Variants in R3HDM2 observed in about 807,000 individuals in gnomAD.
R3HDM2 encodes R3H domain containing 2, also known as R3H domain-containing protein 2.
In R3HDM2, 38 loss-of-function variants were observed where a neutral mutation model predicts 124.5. The ratio of observed to expected loss-of-function variants is 0.31; its 90% CI spans 0.24 to 0.40. The LOEUF (loss-of-function observed/expected upper bound fraction) is 0.40. Ranked by LOEUF, R3HDM2 falls within the 10% of genes least tolerant of loss-of-function variation. The probability of loss-of-function intolerance (pLI) is 1.00; values close to 1 mark genes in which losing one functional copy is unlikely to be tolerated. For missense variants in R3HDM2, 869 were observed against 1,236.9 expected, an observed-to-expected ratio of 0.70 and a Z score of 4.46; for synonymous variants, 391 against 448.0, an observed-to-expected ratio of 0.87 and a Z score of 1.61.
chr12:57,386,675 G>C (rs1313627094), intron 2 of R3HDM2, among the ~76,000 whole-genome samples: 1 of 152,222 alleles, frequency 6.6e-6, no homozygotes, highest in South Asian at 2.1e-4. Flanking sequence ...AGGACTCGCA[G>C]GCAGCTCCAC....
At chr12:57,287,160 T>C (rs2047542906) in intron 12 of R3HDM2, among the ~76,000 whole-genome samples, 1 of 152,210 alleles carries the variant, frequency 6.6e-6, no homozygotes, top group South Asian at 2.1e-4. Context: ...GCTAGCCACT[T>C]AAATCTCTCT....
At chr12:57,288,353 T>G (rs1408786898) in intron 12 of R3HDM2, among the ~76,000 whole-genome samples, 5 of 151,830 alleles carry the variant, frequency 3.3e-5, no homozygotes, top group African/African-American at 1.2e-4. Flanking sequence ...AAGAGAAAAC[T>G]ACATACATAA....
chr12:57,340,995 T>G (rs966214317), intron 2 of R3HDM2, among the ~76,000 whole-genome samples: 1 of 152,168 alleles, frequency 6.6e-6, no homozygotes, highest in Admixed American at 6.5e-5. Context: ...TACATCAAAA[T>G]TAGAATTTTG....
Position 57,300,198 on chromosome 12 carries a change from A to G in R3HDM2, c.208-17T>C. ...GGAATTAGACTGAAAAAAACAAAAA[A>G]CAATTTTCAATTTTTTTAATGTATC... On this transcript the variant is annotated splice_polypyrimidine_tract_variant and intron_variant, in intron 4 of 23. Transcript: ENST00000402412. 3 of 1,544,502 alleles carry G rather than the reference A, an allele frequency of 1.9e-6. No individual in the cohort carries two copies. The highest frequency in any genetic ancestry group is 1.8e-6 in the Non-Finnish European group (2 of 1,140,820).
chr12:57,342,082 T>C (rs949813747), intron 2 of R3HDM2, among the ~76,000 whole-genome samples: 4 of 152,200 alleles, frequency 2.6e-5, no homozygotes, highest in Admixed American at 1.3e-4. Flanking sequence ...TCAGCCAAGA[T>C]AGAAAAATAT....
At chr12:57,295,588 C>A in intron 9 of R3HDM2, 81 bp from the exon 10 acceptor site, 2 of 925,756 alleles carry the variant, frequency 2.2e-6, no homozygotes, top group South Asian at 1.5e-5. Context: ...GTACAGCTCT[C>A]CTAAATTACA....
At chr12:57,352,641 C>T (rs369584899) in intron 2 of R3HDM2, among the ~76,000 whole-genome samples, 13 of 151,830 alleles carry the variant, frequency 8.6e-5, no homozygotes, top group Non-Finnish European at 1.6e-4. Flanking sequence ...TACAGGTGCG[C>T]GCCACCACAC....
chr12:57,332,308 G>C lies in R3HDM2; in HGVS notation c.-35-21845C>G, dbSNP rs142037434. ...CACACACCTGTAGTCCCAGCTACTTGGGAGGCTGAGGTAAGAGGATCGCTT... is the reference window on the plus strand; with the variant it reads ...CACACACCTGTAGTCCCAGCTACTTCGGAGGCTGAGGTAAGAGGATCGCTT... On this transcript the variant is annotated intron_variant, in intron 2 of 23. Coordinates refer to ENST00000402412, the MANE Select transcript of R3HDM2 (RefSeq NM_001394031.1). Among the ~76,000 whole-genome samples the C allele has an allele frequency of 8.2e-3, 1,241 of 150,444 alleles. 16 individuals are homozygous for C. The highest frequency in any genetic ancestry group is 0.028 in the African/African-American group (1,158 of 40,988).
intron 2 of R3HDM2, among the ~76,000 whole-genome samples, chr12:57,337,549 A>C (rs1462722400): frequency 6.6e-6 from 1 of 152,120 alleles, no homozygotes; most frequent in Non-Finnish European, 1.5e-5. Flanking sequence ...TTTTTAAGTC[A>C]CTGCAAAGAA....
At chr12:57,256,156 G>A (rs765001314) in intron 22 of R3HDM2, 82 bp from the exon 23 acceptor site, 1 of 1,408,160 alleles carries the variant, frequency 7.1e-7, no homozygotes, top group Admixed American at 1.7e-5. Context: ...GAGAGATTGT[G>A]GAGTAGCACC....
chr12:57,275,077 G>A (rs2044374093), intron 14 of R3HDM2, among the ~76,000 whole-genome samples: 3 of 152,146 alleles, frequency 2.0e-5, no homozygotes, highest in African/African-American at 7.2e-5. Flanking sequence ...TATACTATAA[G>A]GTTATAGTGA....
At chr12:57,355,418 C>A (rs1391768426) in intron 2 of R3HDM2, among the ~76,000 whole-genome samples, 1 of 144,504 alleles carries the variant, frequency 6.9e-6, no homozygotes, top group East Asian at 2.0e-4. Context: ...GAGATCGGGC[C>A]ACTGCACTCC....
intron 20 of R3HDM2, among the ~76,000 whole-genome samples, chr12:57,258,582 C>T (rs570360183): frequency 1.7e-4 from 26 of 152,154 alleles, no homozygotes; most frequent in African/African-American, 5.8e-4. Context: ...GTGATCCTCC[C>T]GCCTTGTCCT....
intron 1 of R3HDM2, among the ~76,000 whole-genome samples, chr12:57,412,934 G>A (rs998546166): frequency 7.2e-5 from 11 of 151,916 alleles, no homozygotes; most frequent in Non-Finnish European, 1.0e-4. Flanking sequence ...GGCGGATCAC[G>A]AGGTCAGGAG....
At position 57,275,813 on chromosome 12, in the gene R3HDM2, A is replaced by G. The variant is rs1303395908; in HGVS notation, c.1344+4545T>C. Among the ~76,000 whole-genome samples the G allele has an allele frequency of 7.2e-5, 11 of 152,346 alleles. No homozygotes were observed. The East Asian group carries it at 1.5e-3, about 21-fold the overall frequency. On this transcript the variant is annotated intron_variant, in intron 14 of 23. Transcript: ENST00000402412. Reference sequence around the variant, plus strand: ...AAGAATGGTCATAATCAAAAAATCAAAAAACAGCAGATGTTGGCATGGATG... The same window carrying G: ...AAGAATGGTCATAATCAAAAAATCAGAAAACAGCAGATGTTGGCATGGATG...
At chr12:57,406,111 C>T (rs998647172) in intron 1 of R3HDM2, among the ~76,000 whole-genome samples, 5 of 152,026 alleles carry the variant, frequency 3.3e-5, no homozygotes, top group African/African-American at 7.2e-5. Context: ...CACCTGAGGT[C>T]GGGAGTTCAA....
At chr12:57,421,148 T>C (rs1279357576) in intron 1 of R3HDM2, among the ~76,000 whole-genome samples, 1 of 148,496 alleles carries the variant, frequency 6.7e-6, no homozygotes, top group Non-Finnish European at 1.5e-5. Flanking sequence ...CACATCTCCA[T>C]GTCTAACAGA....
chr12:57,255,290 A>G (rs1222841679), intron 23 of R3HDM2, among the ~76,000 whole-genome samples, 177 bp from the exon 24 acceptor site: 1 of 152,186 alleles, frequency 6.6e-6, no homozygotes, highest in East Asian at 1.9e-4. Context: ...GATCAGGGCA[A>G]CTAGGAGAAA....
intron 2 of R3HDM2, among the ~76,000 whole-genome samples, chr12:57,378,824 C>G (rs1333775088): frequency 6.6e-6 from 1 of 152,152 alleles, no homozygotes; most frequent in Non-Finnish European, 1.5e-5. Flanking sequence ...ATGGTAGAAG[C>G]AAGTGTTTAT....
Sources: allele counts gnomAD v4.1 joint callset (sites outside exome capture counted in the v4.1 genomes callset), GRCh38; gene constraint gnomAD v4.1.1; transcripts MANE v1.5; gene names NCBI Gene and HGNC (gene_info 2026-07-23, HGNC 2026-07-21).